The following RECQL5 variants were observed in gnomAD, a reference collection of about 807,000 sequenced individuals.
RECQL5 encodes the protein RecQ like helicase 5, also known as ATP-dependent DNA helicase Q5.
RECQL5 carries 88 observed loss-of-function variants against 103.4 expected under a neutral mutation model. That is an observed-to-expected ratio of 0.85 (90% CI 0.72 to 1.02). RECQL5 has a LOEUF of 1.02. Among genes scored for constraint, RECQL5 ranks in the 50% least tolerant of loss-of-function variants. RECQL5 has a pLI of 0.00. For synonymous variants in RECQL5, 552 were observed against 507.9 expected (o/e 1.09, Z -1.17); for missense variants, 1,232 against 1,284.3 (o/e 0.96, Z 0.62).
intron 6 of RECQL5, among the ~76,000 whole-genome samples, chr17:75,660,083 T>C (rs546577610): frequency 6.6e-6 from 1 of 152,234 alleles, no homozygotes; most frequent in Admixed American, 6.5e-5. Flanking sequence ...TGTTTGTTTT[T>C]TAAGACAGGG....
chr17:75,644,635 A>G (rs574703525), intron 8 of RECQL5, among the ~76,000 whole-genome samples: 78 of 152,206 alleles, frequency 5.1e-4, no homozygotes, highest in Admixed American at 1.2e-3. Context: ...CGGATACAAG[A>G]ATCTCATTAG....
In RECQL5 at chr17:75,628,436, G is replaced by A; in HGVS notation, c.2587C>T (p.Pro863Ser). Residue 863 changes from proline (P) to serine (S), a missense_variant, in exon 18 of 20, where the codon CCA becomes TCA. Physicochemically the swap from Pro to Ser is moderately conservative, Grantham distance 74. Transcript: ENST00000317905. ...GKRPRSQQEN[P>S]ESQPQKRPRP... The stretch of plus-strand genomic sequence containing the variant: ...GGCCTCTTCTGAGGCTGGCTCTCTG[G>A]GTTCTCCTGAGAAGGGCCACAGCAG... 2 of 1,613,346 alleles carry A rather than the reference G, an allele frequency of 1.2e-6. No homozygotes were observed. The highest frequency in any genetic ancestry group is 1.7e-6 in the Non-Finnish European group (2 of 1,179,954).
In RECQL5 at chr17:75,629,540, T is replaced by C. The variant is rs1428200719; in HGVS notation, c.1948-65A>G. The C allele has an allele frequency of 8.7e-6, 13 of 1,499,646 alleles. No homozygotes were observed. The Admixed American group carries it at 2.7e-4, about 32-fold the overall frequency. 92.9% of individuals were successfully genotyped at this position (1,499,646 alleles called of 1,614,324 possible). ...AGGCCCCCTTGAGGGCACCGCTGGC[T>C]GGAGCAGTAACTCACATTGGGACGG... On this transcript the variant is annotated intron_variant, in intron 15 of 19. Coordinates refer to ENST00000317905, the MANE Select transcript of RECQL5 (RefSeq NM_004259.7).
chr17:75,629,681 T>A, intron 15 of RECQL5, 27 bp downstream of exon 15: 1 of 1,588,778 alleles, frequency 6.3e-7, no homozygotes. Context: ...TGGTCACAGG[T>A]CTGGAGGCCA....
At chr17:75,647,081 A>C (rs1172036834) in intron 8 of RECQL5, among the ~76,000 whole-genome samples, 1 of 152,204 alleles carries the variant, frequency 6.6e-6, no homozygotes, top group Non-Finnish European at 1.5e-5. Flanking sequence ...CACACTTGCT[A>C]CTCAGGAAAG....
At position 75,666,518 on chromosome 17, in the gene RECQL5, G is replaced by T; in HGVS notation, c.40C>A (p.Arg14=). The change falls in exon 2 of 20, where the codon CGG becomes AGG. Residue 14 remains arginine, a synonymous_variant. Transcript: ENST00000317905. ...HHTTFPFDPE[R]RVRSTLKKVF... The stretch of plus-strand genomic sequence containing the variant: ...TTCTTCAGCGTACTCCGGACTCGCC[G>T]CTCAGGGTCAAAAGGAAAGGTGGTA... The T allele has an allele frequency of 6.2e-7, 1 of 1,614,102 alleles. No individual in the cohort carries two copies. The highest frequency in any genetic ancestry group is 2.2e-5 in the East Asian group (1 of 44,892).
intron 8 of RECQL5, chr17:75,634,323 G>A: frequency 1.1e-6 from 1 of 932,316 alleles, no homozygotes; most frequent in Non-Finnish European, 1.3e-6. Context: ...GACATGCTGG[G>A]TCGCTTCCCT....
At position 75,629,422 on chromosome 17, in the gene RECQL5, C is replaced by T. The variant is rs1183429645; in HGVS notation, c.2001G>A (p.Gln667=). 4.6e-6 allele frequency: 7 copies of T among 1,506,060 alleles called. No individual in the cohort carries two copies. In the Admixed American group the frequency reaches 1.4e-4, roughly 30 times the overall value. 93.3% of individuals were successfully genotyped at this position (1,506,060 alleles called of 1,614,324 possible). A position where few individuals can be genotyped will look rare whatever the true frequency, so the allele number is the denominator to read the frequency against. ...TTGTCTCCATCAGTTCCGTGGCCGT[C>T]TGGAACGGGCAGGAGCCTTTGGGGA... ...AGFPKGSCPF[Q]TATELMETTR... The change falls in exon 16 of 20, where the codon CAG becomes CAA. Residue 667 remains glutamine, a synonymous_variant. Coordinates refer to ENST00000317905, the MANE Select transcript of RECQL5 (RefSeq NM_004259.7).
chr17:75,661,534 C>A (rs1228288054), intron 5 of RECQL5, 72 bp downstream of exon 5: 2 of 1,025,730 alleles, frequency 1.9e-6, no homozygotes, highest in Non-Finnish European at 3.0e-6. Flanking sequence ...TAACCAGGAT[C>A]TGTAAAGAAC....
At chr17:75,628,095 G>C in intron 18 of RECQL5, 123 bp downstream of exon 18, 1 of 832,806 alleles carries the variant, frequency 1.2e-6, no homozygotes, top group South Asian at 1.6e-5. Context: ...GCCCCAGGGA[G>C]GACGGGCGTG....
At chr17:75,656,722 T>G (rs1259294359) in intron 7 of RECQL5, among the ~76,000 whole-genome samples, 1 of 150,090 alleles carries the variant, frequency 6.7e-6, no homozygotes, top group Non-Finnish European at 1.5e-5. Flanking sequence ...TGCGAATTTA[T>G]GTATATTTAT....
chr17:75,637,105 C>A (rs2059337933), intron 8 of RECQL5: 1 of 152,360 alleles, frequency 6.6e-6, no homozygotes, highest in Non-Finnish European at 1.5e-5. Context: ...GCAACAAACC[C>A]CACTTTTCCT....
At position 75,630,674 on chromosome 17, in the gene RECQL5, G is replaced by A. The variant is rs757755394; in HGVS notation, c.1663C>T (p.Arg555Trp). Residue 555 changes from arginine (R) to tryptophan (W), a missense_variant, in exon 13 of 20, where the codon CGG becomes TGG. Transcript: ENST00000317905. ...LTVKAREHCL[R>W]LLEEALSSNR... ...CTGCTCAGCGCCTCCTCCAGAAGCC[G>A]CAGGCAGTGCTCCCGTGCCTGGCAC... 1.2e-5 allele frequency: 19 copies of A among 1,613,432 alleles called. No homozygotes were observed. Among genetic ancestry groups the A allele is most frequent in the South Asian group, 2.2e-5 (2 of 91,088 alleles).
In RECQL5 at chr17:75,640,007, C is replaced by T. The variant is rs1056946733; in HGVS notation, c.1230-8339G>A. 7.1e-6 allele frequency: 5 copies of T among 705,994 alleles called. No homozygotes were observed. In the African/African-American group the frequency reaches 7.3e-5, roughly 10 times the overall value. 43.7% of individuals were successfully genotyped at this position (705,994 alleles called of 1,614,324 possible). A position where few individuals can be genotyped will look rare whatever the true frequency, so the allele number is the denominator to read the frequency against. On this transcript the variant is annotated intron_variant, in intron 8 of 19. Coordinates refer to ENST00000317905, the MANE Select transcript of RECQL5 (RefSeq NM_004259.7). The surrounding 1 kb of genome is among the most constrained non-coding windows in gnomAD (Gnocchi z 4.6). The stretch of plus-strand genomic sequence containing the variant: ...CTGAGCTGTGTCAGCTGGGTGGGGA[C>T]TGAGGGCCACCACTAGGTGGAAGTC...
At chr17:75,628,802 G>C (rs779894133) in intron 16 of RECQL5, 40 bp from the exon 17 acceptor site, 1 of 1,604,756 alleles carries the variant, frequency 6.2e-7, no homozygotes, top group Non-Finnish European at 8.5e-7. Flanking sequence ...ACTGGGTCCT[G>C]GTGGCTCCCT....
At chr17:75,629,922 G>A in intron 14 of RECQL5, 80 bp from the exon 15 acceptor site, 1 of 1,506,172 alleles carries the variant, frequency 6.6e-7, no homozygotes. Context: ...TTTTCTACTA[G>A]GCACTACAAG....
chr17:75,651,760 T>G (rs2059558490), intron 7 of RECQL5, among the ~76,000 whole-genome samples: 1 of 151,952 alleles, frequency 6.6e-6, no homozygotes, highest in Admixed American at 6.6e-5. Flanking sequence ...TCTCAGGAGG[T>G]TCTCATGCAA....
intron 7 of RECQL5, among the ~76,000 whole-genome samples, chr17:75,657,096 C>T (rs550151907): frequency 2.6e-4 from 39 of 152,024 alleles, no homozygotes; most frequent in African/African-American, 6.8e-4. Context: ...AGGCTGGACA[C>T]GGTGGCTCAC....
At position 75,629,189 on chromosome 17, in the gene RECQL5, C is replaced by T. The variant is rs762057927; in HGVS notation, c.2234G>A (p.Arg745Gln). The stretch of plus-strand genomic sequence containing the variant: ...TAGGAGCTGCTGTTTCTTGCTAGCC[C>T]GGCCCTTGGCAAGGGAGCTGCCCCC... ...SSGGSSLAKG[R>Q]ASKKQQLLAT... The change falls in exon 16 of 20, where the codon CGG becomes CAG. Residue 745 changes from arginine to glutamine, a missense_variant. Physicochemically the swap from Arg to Gln is conservative, Grantham distance 43 (BLOSUM62 1). Transcript: ENST00000317905. The T allele has an allele frequency of 8.2e-5, 133 of 1,613,516 alleles. No homozygotes were observed. Among genetic ancestry groups the T allele is most frequent in the African/African-American group, 1.9e-4 (14 of 74,950 alleles).
Sources: allele counts gnomAD v4.1 joint callset (sites outside exome capture counted in the v4.1 genomes callset), GRCh38; gene constraint gnomAD v4.1.1; non-coding constraint Gnocchi (gnomAD v3.1); transcripts MANE v1.5; gene names NCBI Gene and HGNC (gene_info 2026-07-23, HGNC 2026-07-21).